DNAJB13: variants seen among roughly 807,000 people sequenced by gnomAD.
DNAJB13 encodes the protein DnaJ heat shock protein family (Hsp40) member B13, also known as dnaJ homolog subfamily B member 13.
A neutral mutation model predicts 35.6 loss-of-function variants in DNAJB13; 22 were observed. That is an observed-to-expected ratio of 0.62 (90% CI 0.44 to 0.88). The LOEUF (loss-of-function observed/expected upper bound fraction) is 0.88. Ranked by LOEUF, DNAJB13 falls within the 40% of genes least tolerant of loss-of-function variation. The pLI, the probability that DNAJB13 is intolerant of heterozygous loss-of-function variation, is 0.00. For synonymous variants in DNAJB13, 136 were observed against 144.2 expected (o/e 0.94, Z 0.41); for missense variants, 370 against 384.3 (o/e 0.96, Z 0.31).
At position 73,964,818 on chromosome 11, in the gene DNAJB13, C is replaced by CGCGT. The variant is rs1554992138; in HGVS notation, c.335-57_335-56insTGCG. On this transcript the variant is annotated intron_variant, in intron 3 of 7. Transcript: ENST00000339764. ...GTGTGTGTGTGTGTGTGTGTGCGCGCGCGCGCATGTCTGGGTCTCTGGATA... is the reference window on the plus strand; with the variant it reads ...GTGTGTGTGTGTGTGTGTGTGCGCGCGCGTGCGCGCATGTCTGGGTCTCTGGATA... 11 of 1,511,560 alleles carry CGCGT rather than the reference C, an allele frequency of 7.3e-6. 1 individual carries two copies. The African/African-American group carries it at 1.2e-4, about 16-fold the overall frequency. 93.6% of individuals were successfully genotyped at this position (1,511,560 alleles called of 1,614,324 possible). A position where few individuals can be genotyped will look rare whatever the true frequency, so the allele number is the denominator to read the frequency against.
chr11:73,953,070 T>C (rs1452893629), intron 1 of DNAJB13, among the ~76,000 whole-genome samples: 1 of 151,912 alleles, frequency 6.6e-6, no homozygotes, highest in East Asian at 1.9e-4. Context: ...TACAGAAAAT[T>C]TAAAAATTAG....
At chr11:73,958,127 C>A (rs1375620599) in intron 1 of DNAJB13, among the ~76,000 whole-genome samples, 190 bp from the exon 2 acceptor site, 1 of 152,182 alleles carries the variant, frequency 6.6e-6, no homozygotes, top group Non-Finnish European at 1.5e-5. Flanking sequence ...CTGGAACTGT[C>A]GGTCAACTGT....
In DNAJB13 at chr11:73,961,234, C is replaced by T. The variant is rs541236013; in HGVS notation, c.334+1579C>T. ...GGTTGAGGCTGCAGTGAGCCAAGATCGGGCCACTGCACTCCAGCCTGGGTG... is the reference window on the plus strand; with the variant it reads ...GGTTGAGGCTGCAGTGAGCCAAGATTGGGCCACTGCACTCCAGCCTGGGTG... On this transcript the variant is annotated intron_variant, in intron 3 of 7. Coordinates refer to ENST00000339764, the MANE Select transcript of DNAJB13 (RefSeq NM_153614.4). Among the ~76,000 whole-genome samples the T allele has an allele frequency of 1.2e-4, 18 of 152,160 alleles. No homozygotes were observed. The East Asian group carries it at 2.5e-3, about 21-fold the overall frequency.
At chr11:73,967,605 C>T (rs558093793) in intron 5 of DNAJB13, among the ~76,000 whole-genome samples, 2 of 152,086 alleles carry the variant, frequency 1.3e-5, no homozygotes, top group South Asian at 4.1e-4. Context: ...TTTAGCTGGG[C>T]ATGGTAGTGT....
intron 3 of DNAJB13, among the ~76,000 whole-genome samples, chr11:73,962,075 G>A (rs547493936): frequency 1.3e-5 from 2 of 152,200 alleles, no homozygotes; most frequent in Non-Finnish European, 2.9e-5. Context: ...TTATAGGCAT[G>A]AGCCACCATG....
intron 2 of DNAJB13, among the ~76,000 whole-genome samples, chr11:73,958,914 A>G (rs1482227165): frequency 6.6e-6 from 1 of 152,156 alleles, no homozygotes; most frequent in Non-Finnish European, 1.5e-5. Context: ...CAGAGTGAAG[A>G]AAGTGTGATC....
At chr11:73,953,222 C>T (rs1276691512) in intron 1 of DNAJB13, among the ~76,000 whole-genome samples, 3 of 151,952 alleles carry the variant, frequency 2.0e-5, no homozygotes, top group Admixed American at 6.6e-5. Flanking sequence ...CAACACCTGT[C>T]TCAAAAAAAT....
chr11:73,970,239 A>G lies in DNAJB13; in HGVS notation c.*125A>G. ...ATATGATACAAGGGTGGGATGGCGCAGGGCTTAAACTGACATAATAAAGAT... is the reference window on the plus strand; with the variant it reads ...ATATGATACAAGGGTGGGATGGCGCGGGGCTTAAACTGACATAATAAAGAT... On this transcript the variant is annotated 3_prime_UTR_variant, in exon 8 of 8. Coordinates refer to ENST00000339764, the MANE Select transcript of DNAJB13 (RefSeq NM_153614.4). The G allele has an allele frequency of 7.9e-7, 1 of 1,272,560 alleles. No homozygotes were observed. The highest frequency in any genetic ancestry group is 1.1e-6 in the Non-Finnish European group (1 of 946,030). The allele number at this position is 1,272,560 out of a possible 1,614,324, so 78.8% of individuals were successfully genotyped here.
rs1182578549 is a variant in DNAJB13 at position 73,958,341 on chromosome 11, C to T, written c.93C>T (p.His31=). ...KQAYRRLALK[H]HPLKSNEPSS... is the part of the protein sequence containing the mutation. ...GGTACCGCAGACTCGCCCTTAAGCA[C>T]CACCCGTTGAAGTCAAATGAGCCGT... Residue 31 remains histidine (H), a synonymous_variant, in exon 2 of 8, where the codon CAC becomes CAT. Coordinates refer to ENST00000339764, the MANE Select transcript of DNAJB13 (RefSeq NM_153614.4). 3 of 1,614,160 alleles carry T rather than the reference C, an allele frequency of 1.9e-6. No individual in the cohort carries two copies. Among genetic ancestry groups the T allele is most frequent in the South Asian group, 2.2e-5 (2 of 91,082 alleles).
At chr11:73,965,650 T>G in intron 4 of DNAJB13, 1 of 161,056 alleles carries the variant, frequency 6.2e-6, no homozygotes, top group Non-Finnish European at 1.4e-5. Context: ...GACTGGGGAG[T>G]GGAAGGATCC....
intron 7 of DNAJB13, among the ~76,000 whole-genome samples, chr11:73,969,732 G>A (rs1012341260): frequency 7.4e-5 from 11 of 147,656 alleles, no homozygotes; most frequent in South Asian, 4.3e-4. Context: ...TTTACTTCCC[G>A]TTTCCCATGT....
At chr11:73,965,905 A>G (rs931276170) in intron 4 of DNAJB13, 2 of 517,426 alleles carry the variant, frequency 3.9e-6, no homozygotes, top group East Asian at 3.3e-5. Context: ...TACTGGAATC[A>G]TAAGTTCTTG....
At chr11:73,963,187 C>T (rs1457722044) in intron 3 of DNAJB13, among the ~76,000 whole-genome samples, 2 of 151,514 alleles carry the variant, frequency 1.3e-5, no homozygotes, top group African/African-American at 2.4e-5. Context: ...CAAACAAAAA[C>T]AAAAAAACAA....
At chr11:73,955,535 C>T (rs1352531144) in intron 1 of DNAJB13, among the ~76,000 whole-genome samples, 4 of 152,018 alleles carry the variant, frequency 2.6e-5, no homozygotes, top group Admixed American at 1.3e-4. Context: ...TCTCGAACTC[C>T]TGATCTCAAG....
At chr11:73,959,728 G>T in intron 3 of DNAJB13, 73 bp downstream of exon 3, 1 of 1,371,372 alleles carries the variant, frequency 7.3e-7, no homozygotes, top group Non-Finnish European at 9.6e-7. Flanking sequence ...TCGTTGAGTA[G>T]TTTTGTTTTT....
At chr11:73,967,244 C>T (rs986766139) in intron 5 of DNAJB13, among the ~76,000 whole-genome samples, 2 of 152,202 alleles carry the variant, frequency 1.3e-5, no homozygotes, top group African/African-American at 4.8e-5. Flanking sequence ...ATACGCCTGC[C>T]TCGGCCTCCC....
At chr11:73,960,525 T>C (rs1450816034) in intron 3 of DNAJB13, among the ~76,000 whole-genome samples, 1 of 152,142 alleles carries the variant, frequency 6.6e-6, no homozygotes, top group Non-Finnish European at 1.5e-5. Flanking sequence ...TTTCGCCATG[T>C]TGGCCAGGCT....
At chr11:73,968,626 C>T (rs993859854) in intron 6 of DNAJB13, among the ~76,000 whole-genome samples, 168 bp downstream of exon 6, 8 of 152,164 alleles carry the variant, frequency 5.3e-5, no homozygotes, top group East Asian at 3.9e-4. Flanking sequence ...TCATCTGCAC[C>T]GCCTGGATCT....
chr11:73,966,121 C>G lies in DNAJB13; in HGVS notation c.493-17C>G, dbSNP rs1396064305. ...AAGTCCTAAGCAGACCTCCCCACAC[C>G]TGATATGTTGCTATAGGTGCTGAAC... On this transcript the variant is annotated splice_polypyrimidine_tract_variant and intron_variant, in intron 4 of 7. Transcript: ENST00000339764. 3 of 1,606,672 alleles carry G rather than the reference C, an allele frequency of 1.9e-6. No homozygotes were observed. Among genetic ancestry groups the G allele is most frequent in the Admixed American group, 3.4e-5 (2 of 59,068 alleles).
Sources: gnomAD v4.1 joint callset for allele counts (sites outside exome capture counted in the v4.1 genomes callset) on GRCh38, gnomAD v4.1.1 for gene constraint, MANE v1.5 for transcripts, NCBI Gene and HGNC (gene_info 2026-07-23, HGNC 2026-07-21) for gene names.